CHST11: variants seen among roughly 807,000 people sequenced by gnomAD.
CHST11 encodes C4S-1.
A neutral mutation model predicts 30.4 loss-of-function variants in CHST11; 9 were observed. That is an observed-to-expected ratio of 0.30 (90% confidence interval 0.18 to 0.52). CHST11 has a LOEUF of 0.52. Among genes scored for constraint, CHST11 ranks in the 20% least tolerant of loss-of-function variants. The pLI, the probability that CHST11 is intolerant of heterozygous loss-of-function variation, is 0.97. For missense variants in CHST11, 348 were observed against 460.6 expected, an observed-to-expected ratio of 0.76 and a Z score of 2.24; for synonymous variants, 152 against 187.8, an observed-to-expected ratio of 0.81 and a Z score of 1.56.
At chr12:104,470,391 A>C (rs558323903) in intron 1 of CHST11, among the ~76,000 whole-genome samples, 2 of 152,312 alleles carry the variant, frequency 1.3e-5, no homozygotes, top group South Asian at 4.1e-4. Flanking sequence ...CCAGACACTG[A>C]TAAAGCCATC....
chr12:104,756,532 G>GGGGTGTGTGTGTGTGTGTGT (rs1555250374), intron 2 of CHST11, among the ~76,000 whole-genome samples: 23 of 143,396 alleles, frequency 1.6e-4, no homozygotes, highest in East Asian at 1.4e-3. Flanking sequence ...ATCCATGTGG[G>GGGGTGTGTGTGTGTGTGTGT]GTGTGTGTGT....
At chr12:104,670,289 G>C (rs1222702198) in intron 2 of CHST11, among the ~76,000 whole-genome samples, 1 of 152,092 alleles carries the variant, frequency 6.6e-6, no homozygotes, top group Non-Finnish European at 1.5e-5. Context: ...AAAACCAAGG[G>C]GCTTCCCCAC....
At chr12:104,545,029 T>C (rs2038333246) in intron 1 of CHST11, among the ~76,000 whole-genome samples, 1 of 152,164 alleles carries the variant, frequency 6.6e-6, no homozygotes, top group Non-Finnish European at 1.5e-5. Context: ...GCATTCCTTT[T>C]TGTTGGGCTT....
intron 2 of CHST11, among the ~76,000 whole-genome samples, chr12:104,716,325 C>T (rs1169028452): frequency 6.6e-6 from 1 of 152,188 alleles, no homozygotes; most frequent in Non-Finnish European, 1.5e-5. Context: ...TGCCTGGGTT[C>T]CAAATCTGAG....
At chr12:104,593,913 A>G (rs935442393) in intron 1 of CHST11, among the ~76,000 whole-genome samples, 2 of 152,222 alleles carry the variant, frequency 1.3e-5, no homozygotes, top group African/African-American at 2.4e-5. Context: ...TACTTTGGCT[A>G]AGGTAATTAA....
chr12:104,604,915 T>C (rs2038989146), intron 2 of CHST11, among the ~76,000 whole-genome samples: 1 of 152,180 alleles, frequency 6.6e-6, no homozygotes, highest in South Asian at 2.1e-4. Context: ...CTTATAAACA[T>C]CTTATCTAAT....
At chr12:104,474,052 G>A (rs1334844104) in intron 1 of CHST11, among the ~76,000 whole-genome samples, 1 of 152,118 alleles carries the variant, frequency 6.6e-6, no homozygotes, top group African/African-American at 2.4e-5. Context: ...CATGTGGACA[G>A]GCAAGCTAAA....
chr12:104,627,615 A>T (rs1180075200), intron 2 of CHST11, among the ~76,000 whole-genome samples: 2 of 152,224 alleles, frequency 1.3e-5, no homozygotes, highest in African/African-American at 2.4e-5. Context: ...TAGCCTTGGG[A>T]CATGAATTCT....
chr12:104,520,085 C>T (rs900172633), intron 1 of CHST11, among the ~76,000 whole-genome samples: 3 of 152,144 alleles, frequency 2.0e-5, no homozygotes, highest in South Asian at 2.1e-4. Flanking sequence ...TAGTTGCTGG[C>T]GTCGGAACTG....
chr12:104,710,517 C>T (rs775143071), intron 2 of CHST11, among the ~76,000 whole-genome samples: 5 of 152,124 alleles, frequency 3.3e-5, no homozygotes, highest in Non-Finnish European at 5.9e-5. Context: ...CCAGGGGACC[C>T]CTCCTCCTGG....
chr12:104,593,527 C>G (rs1352556725), intron 1 of CHST11, among the ~76,000 whole-genome samples: 1 of 152,188 alleles, frequency 6.6e-6, no homozygotes, highest in Admixed American at 6.5e-5. Flanking sequence ...TTGTAAAGCT[C>G]CTGAAGGCCT....
chr12:104,585,778 G>A (rs2038798827), intron 1 of CHST11, among the ~76,000 whole-genome samples: 1 of 152,200 alleles, frequency 6.6e-6, no homozygotes, highest in South Asian at 2.1e-4. Flanking sequence ...CAAGGTGTCA[G>A]CAGGGCCGTG....
intron 2 of CHST11, among the ~76,000 whole-genome samples, chr12:104,611,432 C>A (rs192926253): frequency 1.5e-3 from 232 of 152,308 alleles, no homozygotes; most frequent in African/African-American, 5.3e-3. Context: ...CATGTTATGA[C>A]ACTAATCTCA....
chr12:104,464,445 C>T (rs1244027751), intron 1 of CHST11, among the ~76,000 whole-genome samples: 3 of 152,090 alleles, frequency 2.0e-5, no homozygotes. Flanking sequence ...CCCATCTCCC[C>T]TCTACCACCT....
At chr12:104,632,434 A>T (rs528757621) in intron 2 of CHST11, among the ~76,000 whole-genome samples, 43 of 152,292 alleles carry the variant, frequency 2.8e-4, no homozygotes, top group African/African-American at 9.6e-4. Flanking sequence ...GTGCCGAGCT[A>T]ACGGGGATGA....
chr12:104,587,917 A>G (rs2038821762), intron 1 of CHST11, among the ~76,000 whole-genome samples: 1 of 150,346 alleles, frequency 6.7e-6, no homozygotes. Flanking sequence ...AAAATGCTCT[A>G]GTATTATATA....
chr12:104,745,622 G>A (rs1165990447), intron 2 of CHST11, among the ~76,000 whole-genome samples: 1 of 152,042 alleles, frequency 6.6e-6, no homozygotes, highest in Non-Finnish European at 1.5e-5. Flanking sequence ...TTTGTGCAGT[G>A]GCTTATAGTT....
At chr12:104,590,024 A>G (rs1239565882) in intron 1 of CHST11, among the ~76,000 whole-genome samples, 2 of 146,142 alleles carry the variant, frequency 1.4e-5, no homozygotes, top group Non-Finnish European at 2.9e-5. Context: ...TAAATAAATA[A>G]ATAAATAAAT....
chr12:104,747,774 G>C (rs1282952774), intron 2 of CHST11, among the ~76,000 whole-genome samples: 1 of 152,100 alleles, frequency 6.6e-6, no homozygotes, highest in East Asian at 1.9e-4. Context: ...CTGTTTCTCT[G>C]GGTCTATTTG....
Sources: allele counts gnomAD v4.1 joint callset (sites outside exome capture counted in the v4.1 genomes callset), GRCh38; gene constraint gnomAD v4.1.1; transcripts MANE v1.5; gene names NCBI Gene and HGNC (gene_info 2026-07-23, HGNC 2026-07-21).